Variants in MYO1H observed in about 807,000 individuals in gnomAD.
MYO1H encodes the protein myosin IH, also known as unconventional myosin-Ih.
Under a neutral mutation model 149.3 loss-of-function variants are expected in MYO1H, and 118 were observed. The ratio of observed to expected loss-of-function variants is 0.79; its 90% CI spans 0.68 to 0.92. MYO1H has a LOEUF of 0.92. Ranked by LOEUF, MYO1H falls within the 40% of genes least tolerant of loss-of-function variation. The pLI is 0.00. For missense variants in MYO1H, 1,212 were observed against 1,280.7 expected (o/e 0.95, Z 0.82); for synonymous variants, 447 against 465.2 (o/e 0.96, Z 0.50).
At chr12:109,339,758 A>G in the MYO1H span, among the ~76,000 whole-genome samples, 1 of 152,240 alleles carries the variant, frequency 6.6e-6, no homozygotes, top group South Asian at 2.1e-4. Flanking sequence ...AAAGAGGATC[A>G]GCCTTCCTTA....
chr12:109,432,417 C>G (rs1871668836), intron 19 of MYO1H, among the ~76,000 whole-genome samples: 1 of 152,136 alleles, frequency 6.6e-6, no homozygotes, highest in African/African-American at 2.4e-5. Flanking sequence ...GGCACCATAC[C>G]CGGTCTCAAG....
At chr12:109,311,544 G>A in the MYO1H span, among the ~76,000 whole-genome samples, 1 of 152,300 alleles carries the variant, frequency 6.6e-6, no homozygotes, top group East Asian at 1.9e-4. Flanking sequence ...GCAAGGCTTA[G>A]GAATCTTTAT....
At chr12:109,328,163 T>C in the MYO1H span, among the ~76,000 whole-genome samples, 61 of 150,442 alleles carry the variant, frequency 4.1e-4, no homozygotes, top group African/African-American at 1.4e-3. Context: ...TATGCGTGTG[T>C]GTGTGTGTGT....
chr12:109,446,972 G>C (rs537425662), intron 31 of MYO1H, 187 bp from the exon 32 acceptor site: 2 of 644,002 alleles, frequency 3.1e-6, no homozygotes, highest in Middle Eastern at 4.2e-4. Context: ...ACTGGTTCTG[G>C]CTGAAGAGGC....
chr12:109,315,574 G>C, the MYO1H span, among the ~76,000 whole-genome samples: 1 of 152,218 alleles, frequency 6.6e-6, no homozygotes, highest in Non-Finnish European at 1.5e-5. Context: ...AATTCTACAC[G>C]TTGGGGTTTT....
At chr12:109,404,045 T>A (rs1870274309) in exon 7 of MYO1H, 2 of 1,613,184 alleles carry the variant, frequency 1.2e-6, no homozygotes, top group Admixed American at 3.3e-5. Context: ...TTCCAACGCC[T>A]TTTCTGTCAT....
At chr12:109,356,250 A>G (rs1377864845) in intron 1 of MYO1H, among the ~76,000 whole-genome samples, 1 of 152,222 alleles carries the variant, frequency 6.6e-6, no homozygotes, top group African/African-American at 2.4e-5. Context: ...TTTTAACATA[A>G]TCCATTGTCA....
intron 19 of MYO1H, among the ~76,000 whole-genome samples, chr12:109,429,154 C>G (rs1871504804): frequency 6.6e-6 from 1 of 152,168 alleles, no homozygotes; most frequent in Non-Finnish European, 1.5e-5. Context: ...TTGCAGTGAG[C>G]TGAAATCACA....
At chr12:109,366,552 G>A (rs982831453) in intron 1 of MYO1H, among the ~76,000 whole-genome samples, 10 of 152,190 alleles carry the variant, frequency 6.6e-5, no homozygotes, top group African/African-American at 2.4e-4. Flanking sequence ...GTACTCAGGT[G>A]CCTCTTTCTG....
At chr12:109,424,650 T>C in intron 16 of MYO1H, 98 bp from the exon 17 acceptor site, 1 of 805,568 alleles carries the variant, frequency 1.2e-6, no homozygotes, top group Non-Finnish European at 2.0e-6. Context: ...AAGAAGCAGA[T>C]GGCTCTGTTG....
chr12:109,406,691 C>T (rs1870409865), intron 8 of MYO1H, 98 bp from the exon 9 acceptor site: 9 of 1,142,848 alleles, frequency 7.9e-6, no homozygotes, highest in Admixed American at 5.7e-5. Context: ...ACCACATTCC[C>T]ACCTGGGTAA....
At chr12:109,430,459 A>C (rs531031783) in intron 19 of MYO1H, among the ~76,000 whole-genome samples, 1 of 152,170 alleles carries the variant, frequency 6.6e-6, no homozygotes, top group South Asian at 2.1e-4. Flanking sequence ...GCATGGATGA[A>C]AGCAGGGCCT....
At chr12:109,342,500 A>C in the MYO1H span, among the ~76,000 whole-genome samples, 1 of 128,786 alleles carries the variant, frequency 7.8e-6, no homozygotes, top group African/African-American at 2.9e-5. Context: ...TGCGTGGTTT[A>C]TGGTTTTCTG....
chr12:109,447,974 C>A (rs553448725), exon 32 of MYO1H: 3 of 152,246 alleles, frequency 2.0e-5, no homozygotes, highest in African/African-American at 7.2e-5. Flanking sequence ...ACGCTTGTGA[C>A]TGGGGAGGGG....
intron 15 of MYO1H, among the ~76,000 whole-genome samples, chr12:109,417,879 G>T (rs540762096): frequency 6.6e-6 from 1 of 151,488 alleles, no homozygotes; most frequent in South Asian, 2.1e-4. Flanking sequence ...CCGGTGGCGC[G>T]ATCTCGGCTC....
the MYO1H span, among the ~76,000 whole-genome samples, chr12:109,330,076 A>G: frequency 6.6e-6 from 1 of 152,326 alleles, no homozygotes; most frequent in Admixed American, 6.5e-5. Context: ...TGAAATCTCA[A>G]TCAAATCGGG....
intron 31 of MYO1H, chr12:109,446,525 A>T: frequency 2.2e-6 from 2 of 910,026 alleles, no homozygotes; most frequent in Non-Finnish European, 2.6e-6. Context: ...GCACTTTGGG[A>T]GGCCGAGATG....
rs572233556 is a variant in MYO1H at position 109,384,792 on chromosome 12, T to G, written c.13-3891T>G. Among the ~76,000 whole-genome samples, 548 of 152,268 alleles carry G rather than the reference T, an allele frequency of 3.6e-3. 2 individuals carry two copies. Among genetic ancestry groups the G allele is most frequent in the Non-Finnish European group, 5.9e-3 (402 of 67,996 alleles). On this transcript the variant is annotated intron_variant, in intron 1 of 31. Coordinates refer to ENST00000310903, the Ensembl canonical transcript of MYO1H. ...GCAGGAGTACCCCACCCTCCCATCC[T>G]TAGGACCAGGCTAAGAGAGAAATTT...
chr12:109,335,621 AC>A, the MYO1H span, among the ~76,000 whole-genome samples: 486 of 152,254 alleles, frequency 3.2e-3, 3 homozygotes, highest in African/African-American at 0.011. Flanking sequence ...AAATGCATTG[AC>A]CTGTGAATTG....
Sources: gnomAD v4.1 joint callset for allele counts (sites outside exome capture counted in the v4.1 genomes callset) on GRCh38, gnomAD v4.1.1 for gene constraint, MANE v1.5 for transcripts, NCBI Gene and HGNC (gene_info 2026-07-23, HGNC 2026-07-21) for gene names.